TFAP4: variants seen among roughly 807,000 people sequenced by gnomAD.
TFAP4 encodes the protein activating enhancer-binding protein 4.
A neutral mutation model predicts 40.4 loss-of-function variants in TFAP4; 7 were observed. The ratio of observed to expected loss-of-function variants is 0.17; its 90% confidence interval spans 0.10 to 0.33. The LOEUF (loss-of-function observed/expected upper bound fraction) is 0.33, where lower values mean the gene tolerates loss of function less well. TFAP4 is among the 10% of genes least tolerant of loss of function. TFAP4 has a pLI of 1.00. For missense variants in TFAP4, 374 were observed against 451.1 expected (o/e 0.83, Z 1.55); for synonymous variants, 218 against 181.4 (o/e 1.20, Z -1.62).
At chr16:4,261,629 T>C in intron 4 of TFAP4, 150 bp downstream of exon 4, 1 of 859,204 alleles carries the variant, frequency 1.2e-6, no homozygotes, top group Non-Finnish European at 1.7e-6. Context: ...GGCAGAGACG[T>C]GTCTGGCTTG....
rs146580278 is a variant in TFAP4, at chr16:4,269,788, C to A, written c.89+2870G>T. On this transcript the variant is annotated intron_variant, in intron 1 of 6. Transcript: ENST00000204517. ...TTGCGCCACTGCACTCCAGCCTGTG[C>A]GACAGAGTGAGAGTCCATCTCAAAA... Among the ~76,000 whole-genome samples, 5 of 149,490 alleles carry A rather than the reference C, an allele frequency of 3.3e-5. No homozygotes were observed. In the Admixed American group the frequency reaches 3.4e-4, roughly 10 times the overall value.
intron 1 of TFAP4, among the ~76,000 whole-genome samples, 194 bp downstream of exon 1, chr16:4,272,464 G>T (rs964847748): frequency 3.7e-4 from 57 of 152,164 alleles, no homozygotes; most frequent in Admixed American, 2.6e-3. Context: ...GCCGCTTGGG[G>T]CCCCCATGCT....
At position 4,258,528 on chromosome 16, in the gene TFAP4, C is replaced by T. The variant is rs562930008; in HGVS notation, c.823-279G>A. Reference sequence around the variant, plus strand: ...CTGGGCTCCAGCGATCCTCCTACTGCTCCCTCCCTAGTAGCTGGAACCACA... The same window carrying T: ...CTGGGCTCCAGCGATCCTCCTACTGTTCCCTCCCTAGTAGCTGGAACCACA... On this transcript the variant is annotated intron_variant, in intron 6 of 6. Transcript: ENST00000204517. 2.0e-5 allele frequency: 6 copies of T among 305,378 alleles called. No individual in the cohort carries two copies. The South Asian group carries it at 5.6e-4, about 29-fold the overall frequency. The allele number at this position is 305,378 out of a possible 1,614,324, so 18.9% of individuals were successfully genotyped here. A position where few individuals can be genotyped will look rare whatever the true frequency, so the allele number is the denominator to read the frequency against.
chr16:4,262,082 A>G (rs2052954926), intron 3 of TFAP4, 133 bp from the exon 4 acceptor site: 6 of 1,074,148 alleles, frequency 5.6e-6, no homozygotes, highest in Admixed American at 2.8e-5. Context: ...TGCAAGTCCA[A>G]CAAACCAGCC....
At chr16:4,258,351 A>G in intron 6 of TFAP4, 102 bp from the exon 7 acceptor site, 1 of 1,184,580 alleles carries the variant, frequency 8.4e-7, no homozygotes, top group South Asian at 1.5e-5. Flanking sequence ...CAAAACACAT[A>G]GCCCAGAAAA....
rs1319078054 is a variant in TFAP4, at chr16:4,257,231, G to A, written c.*824C>T. On this transcript the variant is annotated 3_prime_UTR_variant, in exon 7 of 7. Transcript: ENST00000204517. ...TTATTTTGTTTCTTTACAAAGGCAC[G>A]GTGGCCTCTTGGTTTTTTTCTCCCC... 4 of 150,164 alleles carry A rather than the reference G, an allele frequency of 2.7e-5. No individual in the cohort carries two copies. The Admixed American group carries it at 2.7e-4, about 10-fold the overall frequency. The allele number at this position is 150,164 out of a possible 1,614,324, so 9.3% of individuals were successfully genotyped here. A position where few individuals can be genotyped will look rare whatever the true frequency, so the allele number is the denominator to read the frequency against.
intron 1 of TFAP4, among the ~76,000 whole-genome samples, chr16:4,268,393 T>C (rs1378561206): frequency 6.6e-6 from 1 of 152,164 alleles, no homozygotes; most frequent in Non-Finnish European, 1.5e-5. Context: ...TTAGGGGGTC[T>C]ACAAGACCTT....
At chr16:4,259,928 T>C (rs910175025) in intron 6 of TFAP4, among the ~76,000 whole-genome samples, 162 bp downstream of exon 6, 1 of 152,244 alleles carries the variant, frequency 6.6e-6, no homozygotes, top group African/African-American at 2.4e-5. Context: ...CATTCTCCAC[T>C]TGCAGATCCA....
chr16:4,270,568 C>T (rs1472728981), intron 1 of TFAP4, among the ~76,000 whole-genome samples: 3 of 152,220 alleles, frequency 2.0e-5, no homozygotes, highest in African/African-American at 7.2e-5. Flanking sequence ...CAGCTGACAA[C>T]TGTCTTGCAA....
In TFAP4 at chr16:4,261,827, C is replaced by T. The variant is rs1034800876; in HGVS notation, c.477G>A (p.Arg159=). Residue 159 remains arginine, a synonymous_variant, in exon 4 of 7, where the codon CGG becomes CGA. Coordinates refer to ENST00000204517, the MANE Select transcript of TFAP4 (RefSeq NM_003223.3). Reference sequence around the variant, plus strand: ...CCGAGCGCTCCTTGTCCAGCTGCTGCCGCAGCTCAATCATCTCCCGCCGCA... The same window carrying T: ...CCGAGCGCTCCTTGTCCAGCTGCTGTCGCAGCTCAATCATCTCCCGCCGCA... ...EDLRREMIEL[R]QQLDKERSVR... 5.6e-6 allele frequency: 9 copies of T among 1,612,616 alleles called. No individual in the cohort carries two copies. Among genetic ancestry groups the T allele is most frequent in the African/African-American group, 1.3e-5 (1 of 74,938 alleles).
At position 4,262,307 on chromosome 16, in the gene TFAP4, T is replaced by G. The variant is rs776706110; in HGVS notation, c.354+17A>C. On this transcript the variant is annotated intron_variant, in intron 3 of 6. Coordinates refer to ENST00000204517, the MANE Select transcript of TFAP4 (RefSeq NM_003223.3). Reference sequence around the variant, plus strand: ...TGCCCATGCCAGGGAGAGGGAGCCATGAAGGACAGGGCGCACCTGGATGAA... The same window carrying G: ...TGCCCATGCCAGGGAGAGGGAGCCAGGAAGGACAGGGCGCACCTGGATGAA... The G allele has an allele frequency of 6.2e-7, 1 of 1,613,636 alleles. No homozygotes were observed. The highest frequency in any genetic ancestry group is 1.1e-5 in the South Asian group (1 of 91,062).
chr16:4,261,570 G>C (rs989995870), intron 4 of TFAP4, among the ~76,000 whole-genome samples: 3 of 151,956 alleles, frequency 2.0e-5, no homozygotes, highest in African/African-American at 7.3e-5. Flanking sequence ...ACATTTTTGA[G>C]ATCCTTTGGC....
chr16:4,271,172 C>A (rs1020915831), intron 1 of TFAP4, among the ~76,000 whole-genome samples: 18 of 152,246 alleles, frequency 1.2e-4, no homozygotes, highest in African/African-American at 4.3e-4. Flanking sequence ...TGACTGGGAA[C>A]TTCAGAGTAG....
At chr16:4,258,441 T>C (rs994707431) in intron 6 of TFAP4, 192 bp from the exon 7 acceptor site, 9 of 556,482 alleles carry the variant, frequency 1.6e-5, no homozygotes, top group Non-Finnish European at 2.5e-5. Context: ...GGAGACAAGC[T>C]CTCGCTATAT....
chr16:4,257,872 G>A lies in TFAP4; in HGVS notation c.*183C>T, dbSNP rs1453959994. The A allele has an allele frequency of 3.3e-6, 2 of 602,608 alleles. No homozygotes were observed. Among genetic ancestry groups the A allele is most frequent in the Non-Finnish European group, 5.5e-6 (2 of 362,926 alleles). 37.3% of individuals were successfully genotyped at this position (602,608 alleles called of 1,614,324 possible). A position where few individuals can be genotyped will look rare whatever the true frequency, so the allele number is the denominator to read the frequency against. On this transcript the variant is annotated 3_prime_UTR_variant, in exon 7 of 7. Transcript: ENST00000204517. Reference sequence around the variant, plus strand: ...ACACGCTCTGCGACACCCCAGCCCCGGGACCTCGGGTTGAGTGGCTTCGTT... The same window carrying A: ...ACACGCTCTGCGACACCCCAGCCCCAGGACCTCGGGTTGAGTGGCTTCGTT...
At position 4,262,315 on chromosome 16, in the gene TFAP4, A is replaced by AG; in HGVS notation, c.354+8dup. ...CCAGGGAGAGGGAGCCATGAAGGACAGGGCGCACCTGGATGAAGCGCTTGA... is the reference window on the plus strand; with the variant it reads ...CCAGGGAGAGGGAGCCATGAAGGACAGGGGCGCACCTGGATGAAGCGCTTGA... On this transcript the variant is annotated intron_variant, in intron 3 of 6. Transcript: ENST00000204517. 6.2e-7 allele frequency: 1 copy of AG among 1,613,948 alleles called. No homozygotes were observed. The highest frequency in any genetic ancestry group is 8.5e-7 in the Non-Finnish European group (1 of 1,179,902).
chr16:4,270,619 C>T (rs1332235379), intron 1 of TFAP4, among the ~76,000 whole-genome samples: 5 of 152,252 alleles, frequency 3.3e-5, no homozygotes, highest in Non-Finnish European at 7.3e-5. Flanking sequence ...GGCCCTACAC[C>T]TTCAAGTCCT....
chr16:4,261,985 A>C, intron 3 of TFAP4, 36 bp from the exon 4 acceptor site: 2 of 1,559,190 alleles, frequency 1.3e-6, no homozygotes, highest in Non-Finnish European at 1.7e-6. Context: ...TGTGCCTGAC[A>C]CCTCGGTACC....
intron 1 of TFAP4, chr16:4,263,031 G>C (rs1014798917): frequency 3.2e-6 from 1 of 307,738 alleles, no homozygotes; most frequent in Non-Finnish European, 6.3e-6. Flanking sequence ...AATTAGCCAG[G>C]TGTGGTGGTG....
Sources: allele counts gnomAD v4.1 joint callset (sites outside exome capture counted in the v4.1 genomes callset), GRCh38; gene constraint gnomAD v4.1.1; transcripts MANE v1.5; gene names NCBI Gene and HGNC (gene_info 2026-07-23, HGNC 2026-07-21).